The following DMXL2 variants were observed in gnomAD, a reference collection of about 807,000 sequenced individuals.
DMXL2 encodes the protein dmX-like protein 2.
Under a neutral mutation model 331.1 loss-of-function variants are expected in DMXL2, and 103 were observed. The ratio of observed to expected loss-of-function variants is 0.31; its 90% CI spans 0.27 to 0.37. The LOEUF (loss-of-function observed/expected upper bound fraction) is 0.37, where lower values mean the gene tolerates loss of function less well. Among genes scored for constraint, DMXL2 ranks in the 10% least tolerant of loss-of-function variants. The pLI is 1.00. For missense variants in DMXL2, 3,171 were observed against 3,642.9 expected, an observed-to-expected ratio of 0.87 and a Z score of 3.33; for synonymous variants, 1,281 against 1,252.1, an observed-to-expected ratio of 1.02 and a Z score of -0.49.
intron 1 of DMXL2, among the ~76,000 whole-genome samples, chr15:51,618,369 G>A (rs562990665): frequency 6.8e-6 from 1 of 147,278 alleles, no homozygotes; most frequent in Admixed American, 6.8e-5. Context: ...TTCAACATTT[G>A]CTAAATGTAT....
intron 18 of DMXL2, among the ~76,000 whole-genome samples, chr15:51,497,572 G>A (rs566264840): frequency 6.6e-6 from 1 of 152,228 alleles, no homozygotes; most frequent in African/African-American, 2.4e-5. Flanking sequence ...AATATTTATT[G>A]AATTAATGAA....
At position 51,499,012 on chromosome 15, in the gene DMXL2, A is replaced by G. The variant is rs371657496; in HGVS notation, c.4212T>C (p.Ser1404=). 10 of 1,613,996 alleles carry G rather than the reference A, an allele frequency of 6.2e-6. No individual in the cohort carries two copies. In the African/African-American group the frequency reaches 8.0e-5, roughly 13 times the overall value. ...CTACGGTGACTGTTTCCTTTGCTGT[A>G]CTGCCACTTACACTAATAGTTCGAG... ...HLSRTISVSG[S]TAKETVTVGK... is the part of the protein sequence containing the mutation. Residue 1404 remains serine (S), a synonymous_variant, in exon 18 of 44, where the codon AGT becomes AGC. Transcript: ENST00000560891.
At chr15:51,582,641 G>A (rs1272141080) in intron 1 of DMXL2, among the ~76,000 whole-genome samples, 1 of 151,910 alleles carries the variant, frequency 6.6e-6, no homozygotes, top group Non-Finnish European at 1.5e-5. Flanking sequence ...AGCTCTTTAT[G>A]ATACTCTCAG....
intron 1 of DMXL2, 22 bp from the exon 2 acceptor site, chr15:51,576,203 A>T (rs1555441511): frequency 8.7e-6 from 12 of 1,373,696 alleles, no homozygotes; most frequent in Middle Eastern, 2.0e-4. Flanking sequence ...AAAAAAAAAA[A>T]GTTTTACAAT....
At chr15:51,548,154 T>C (rs975849162) in intron 6 of DMXL2, among the ~76,000 whole-genome samples, 6 of 144,120 alleles carry the variant, frequency 4.2e-5, no homozygotes, top group African/African-American at 1.5e-4. Context: ...TAAACAACTG[T>C]ATTTTAACAG....
chr15:51,465,516 A>G (rs753795680), intron 31 of DMXL2, 50 bp downstream of exon 31: 2 of 1,328,464 alleles, frequency 1.5e-6, no homozygotes, highest in Admixed American at 2.0e-5. Flanking sequence ...GAGAAACTTG[A>G]CGGCAATTTA....
intron 28 of DMXL2, among the ~76,000 whole-genome samples, chr15:51,472,097 G>C (rs1476249195): frequency 1.3e-5 from 2 of 152,176 alleles, no homozygotes; most frequent in Admixed American, 6.5e-5. Context: ...TAGAGGAAGG[G>C]TTGTATATGA....
intron 9 of DMXL2, among the ~76,000 whole-genome samples, chr15:51,540,309 T>C (rs558693415): frequency 1.3e-5 from 2 of 152,232 alleles, no homozygotes; most frequent in African/African-American, 2.4e-5. Context: ...TATTACATGA[T>C]ATTATTTTAT....
intron 2 of DMXL2, among the ~76,000 whole-genome samples, chr15:51,570,191 T>C (rs904085355): frequency 7.9e-5 from 12 of 151,718 alleles, no homozygotes; most frequent in African/African-American, 2.2e-4. Flanking sequence ...AGAAAAGATA[T>C]CAGAGACTAA....
chr15:51,497,494 G>C (rs1310988567), intron 18 of DMXL2, among the ~76,000 whole-genome samples: 1 of 152,146 alleles, frequency 6.6e-6, no homozygotes, highest in African/African-American at 2.4e-5. Context: ...TCTGCTAGAA[G>C]ACTGTGATAA....
chr15:51,565,689 G>T (rs1305547412), intron 3 of DMXL2, among the ~76,000 whole-genome samples: 1 of 152,182 alleles, frequency 6.6e-6, no homozygotes, highest in Non-Finnish European at 1.5e-5. Context: ...TTCAGCGTTT[G>T]TAATGGCTGG....
intron 23 of DMXL2, among the ~76,000 whole-genome samples, chr15:51,485,717 T>G (rs1035452939): frequency 2.0e-5 from 3 of 152,150 alleles, no homozygotes; most frequent in African/African-American, 7.2e-5. Context: ...TCTAAATTAT[T>G]TAGGATAACA....
At chr15:51,478,240 A>G (rs2140351170) in intron 26 of DMXL2, 31 bp downstream of exon 26, 1 of 1,536,260 alleles carries the variant, frequency 6.5e-7, no homozygotes, top group East Asian at 2.3e-5. Flanking sequence ...TTTTTGCTGT[A>G]TTAATACTAT....
At chr15:51,479,474 CA>C (rs2041847665) in intron 25 of DMXL2, among the ~76,000 whole-genome samples, 1 of 152,034 alleles carries the variant, frequency 6.6e-6, no homozygotes, top group Admixed American at 6.6e-5. Flanking sequence ...TAGTAACTGC[CA>C]AAACTCTGAT....
Position 51,530,128 on chromosome 15 carries a change from C to T in DMXL2, c.2436+5535G>A, listed in dbSNP as rs144798069. 9.6e-3 allele frequency among the ~76,000 whole-genome samples: 1,454 copies of T among 151,978 alleles called. 20 individuals are homozygous for T. The highest frequency in any genetic ancestry group is 0.034 in the African/African-American group (1,397 of 41,476). On this transcript the variant is annotated intron_variant, in intron 13 of 43. Coordinates refer to ENST00000560891, the MANE Select transcript of DMXL2 (RefSeq NM_001378457.1). ...TACCTTCTATACCCTAGTATCATGC[C>T]GAATGGGGAAAAACTGAAAGCCTTT...
At chr15:51,507,320 A>G in intron 15 of DMXL2, 67 bp from the exon 16 acceptor site, 1 of 1,450,384 alleles carries the variant, frequency 6.9e-7, no homozygotes, top group Non-Finnish European at 9.3e-7. Flanking sequence ...ACACTTTTTA[A>G]AAGCTACCAC....
At chr15:51,530,959 CCAAG>C (rs1190190242) in intron 13 of DMXL2, among the ~76,000 whole-genome samples, 2 of 152,078 alleles carry the variant, frequency 1.3e-5, no homozygotes, top group Non-Finnish European at 2.9e-5. Flanking sequence ...CCACACTACC[CCAAG>C]CAATCTACAG....
chr15:51,522,512 C>T (rs1024538658), intron 13 of DMXL2, among the ~76,000 whole-genome samples: 2 of 152,154 alleles, frequency 1.3e-5, no homozygotes, highest in East Asian at 3.8e-4. Context: ...GGCATGGTGG[C>T]AGACGCCTGT....
chr15:51,493,036 C>G (rs2042919096), intron 19 of DMXL2, among the ~76,000 whole-genome samples: 1 of 152,142 alleles, frequency 6.6e-6, no homozygotes. Context: ...ACTCATATAA[C>G]AACTGTGTTT....
Sources: gnomAD v4.1 joint callset for allele counts (sites outside exome capture counted in the v4.1 genomes callset) on GRCh38, gnomAD v4.1.1 for gene constraint, MANE v1.5 for transcripts, NCBI Gene and HGNC (gene_info 2026-07-23, HGNC 2026-07-21) for gene names.